The following MAGED1 variants were observed in gnomAD, a reference collection of about 807,000 sequenced individuals.
The protein encoded by MAGED1 is MAGE family member D1.
In MAGED1, 3 loss-of-function variants were observed where a neutral mutation model predicts 54.1. The observed-to-expected ratio is 0.06, with a 90% CI of 0.03 to 0.14. The LOEUF is 0.14. Ranked by LOEUF, MAGED1 falls within the 10% of genes least tolerant of loss-of-function variation. The pLI is 1.00. For synonymous variants in MAGED1, 217 were observed against 227.3 expected (o/e 0.95, Z 0.41); for missense variants, 485 against 623.4 (o/e 0.78, Z 2.36).
intron 1 of MAGED1, among the ~76,000 whole-genome samples, chrX:51,807,296 C>CT (rs1370890814): frequency 9.0e-6 from 1 of 111,064 alleles, no homozygotes; most frequent in Admixed American, 9.6e-5. Context: ...CCTGGGCTAA[C>CT]TTTTTTTTAT....
intron 1 of MAGED1, among the ~76,000 whole-genome samples, chrX:51,861,506 A>G (rs1927279263): frequency 9.0e-6 from 1 of 111,427 alleles, no homozygotes; most frequent in Non-Finnish European, 1.9e-5. Context: ...TTCTCCCTCA[A>G]TTACCTTCTC....
intron 1 of MAGED1, among the ~76,000 whole-genome samples, chrX:51,871,821 C>G (rs1488076822): frequency 9.0e-6 from 1 of 111,622 alleles, no homozygotes; most frequent in East Asian, 2.8e-4. Flanking sequence ...AATGGTATTT[C>G]TAGTTCTAGA....
intron 1 of MAGED1, among the ~76,000 whole-genome samples, chrX:51,836,073 CTTT>C (rs1557357892): frequency 9.0e-6 from 1 of 111,568 alleles, no homozygotes; most frequent in African/African-American, 3.3e-5. Flanking sequence ...ATTTGGGCGT[CTTT>C]GTTACAGTTT....
At chrX:51,894,504 G>C (rs1334747597) in intron 2 of MAGED1, 155 bp downstream of exon 2, 1 of 801,775 alleles carries the variant, frequency 1.2e-6, no homozygotes, top group African/African-American at 2.0e-5. Flanking sequence ...ATCGAAGGGG[G>C]GGAGGGGCGT....
intron 1 of MAGED1, among the ~76,000 whole-genome samples, chrX:51,881,348 C>G (rs1408177905): frequency 9.0e-6 from 1 of 111,307 alleles, no homozygotes; most frequent in Non-Finnish European, 1.9e-5. Flanking sequence ...CTATCTACTC[C>G]TGCCTCCCTC....
At chrX:51,882,777 G>A (rs782428674) in intron 1 of MAGED1, among the ~76,000 whole-genome samples, 9 of 111,017 alleles carry the variant, frequency 8.1e-5, no homozygotes, top group East Asian at 2.8e-4. Context: ...TGCAACCTCC[G>A]CCTCCCGGGT....
intron 1 of MAGED1, among the ~76,000 whole-genome samples, chrX:51,814,306 C>T (rs976197835): frequency 1.8e-5 from 2 of 111,620 alleles, no homozygotes; most frequent in African/African-American, 3.3e-5. Flanking sequence ...CCGCCGCTGC[C>T]GCTGCCACTG....
At chrX:51,806,848 C>T (rs1010928945) in intron 1 of MAGED1, among the ~76,000 whole-genome samples, 3 of 109,068 alleles carry the variant, frequency 2.8e-5, no homozygotes, top group Non-Finnish European at 5.7e-5. Context: ...AGTGCAGTGG[C>T]GTGATCTCAG....
At chrX:51,831,818 C>A (rs984084704) in intron 1 of MAGED1, among the ~76,000 whole-genome samples, 3 of 110,213 alleles carry the variant, frequency 2.7e-5, no homozygotes, top group Admixed American at 1.9e-4. Flanking sequence ...TCATCTTCTC[C>A]CACTTTGCAG....
chrX:51,853,230 G>A (rs1926958351), intron 1 of MAGED1, among the ~76,000 whole-genome samples: 1 of 111,886 alleles, frequency 8.9e-6, no homozygotes, highest in Non-Finnish European at 1.9e-5. Flanking sequence ...TGCTTGGTAA[G>A]ATCTTCAAGT....
intron 1 of MAGED1, among the ~76,000 whole-genome samples, chrX:51,814,212 C>T (rs1425691665): frequency 3.6e-5 from 4 of 111,602 alleles, no homozygotes; most frequent in African/African-American, 1.3e-4. Context: ...CTTCGAAGCA[C>T]AAATGACTCA....
At chrX:51,893,991 T>G (rs868920094) in intron 1 of MAGED1, among the ~76,000 whole-genome samples, 1 of 109,032 alleles carries the variant, frequency 9.2e-6, no homozygotes, top group Non-Finnish European at 1.9e-5. Context: ...ACTCAAAACC[T>G]CCATGCAACT....
intron 1 of MAGED1, among the ~76,000 whole-genome samples, chrX:51,827,720 A>G (rs915196456): frequency 3.6e-5 from 4 of 111,600 alleles, no homozygotes; most frequent in East Asian, 2.8e-4. Context: ...ACTAAAGTCA[A>G]TTTTTTAAAA....
intron 1 of MAGED1, among the ~76,000 whole-genome samples, chrX:51,827,375 G>A (rs915041616): frequency 8.9e-6 from 1 of 112,324 alleles, no homozygotes; most frequent in Non-Finnish European, 1.9e-5. Context: ...TGGCTTCCAG[G>A]GTTTGGGGGT....
At chrX:51,873,879 G>A (rs782778395) in intron 1 of MAGED1, among the ~76,000 whole-genome samples, 7 of 111,015 alleles carry the variant, frequency 6.3e-5, no homozygotes, top group Middle Eastern at 4.7e-3. Flanking sequence ...CCTTGTCAGT[G>A]GAATTAGTCT....
In MAGED1 at chrX:51,869,817, C is replaced by T. The variant is rs190478107; in HGVS notation, c.-36-24452C>T. ...CCCAGGAGGCGGAGATTGCAGTGAGCCGAGATCGTGCCACTGAACTCCAGC... is the reference window on the plus strand; with the variant it reads ...CCCAGGAGGCGGAGATTGCAGTGAGTCGAGATCGTGCCACTGAACTCCAGC... On this transcript the variant is annotated intron_variant, in intron 1 of 12. Coordinates refer to the MAGED1 transcript ENST00000375772. Among the ~76,000 whole-genome samples the T allele has an allele frequency of 2.8e-3, 315 of 111,347 alleles. 1 individual carries two copies. Among genetic ancestry groups the T allele is most frequent in the Non-Finnish European group, 5.0e-3 (263 of 53,006 alleles).
chrX:51,852,425 A>T (rs183941329), intron 1 of MAGED1, among the ~76,000 whole-genome samples: 2 of 112,480 alleles, frequency 1.8e-5, no homozygotes, highest in Admixed American at 1.9e-4. Flanking sequence ...ACACCAGGTT[A>T]ATGAATTACC....
intron 1 of MAGED1, among the ~76,000 whole-genome samples, chrX:51,833,464 ATTAC>A: frequency 8.9e-6 from 1 of 111,742 alleles, no homozygotes; most frequent in East Asian, 2.8e-4. Context: ...TTCATCTGTC[ATTAC>A]TTTTTGTGCT....
Position 51,845,060 on chromosome X carries a change from C to T in MAGED1, c.-37+41943C>T, listed in dbSNP as rs965780149. Among the ~76,000 whole-genome samples, 34 of 110,872 alleles carry T rather than the reference C, an allele frequency of 3.1e-4. 1 individual carries two copies. Among genetic ancestry groups the T allele is most frequent in the Middle Eastern group, 9.2e-3 (2 of 217 alleles). Reference sequence around the variant, plus strand: ...CATCCTGGCCAACACAGTGAAACCCCGTCTCTACCAAAAATACAAAAATTA... The same window carrying T: ...CATCCTGGCCAACACAGTGAAACCCTGTCTCTACCAAAAATACAAAAATTA... On this transcript the variant is annotated intron_variant, in intron 1 of 12. Transcript: ENST00000375772.
Sources: gnomAD v4.1 joint callset for allele counts (sites outside exome capture counted in the v4.1 genomes callset) on GRCh38, gnomAD v4.1.1 for gene constraint, MANE v1.5 for transcripts, NCBI Gene and HGNC (gene_info 2026-07-23, HGNC 2026-07-21) for gene names.